The following PHAF1 variants were observed in gnomAD, a reference collection of about 807,000 sequenced individuals.
PHAF1 encodes phagophore assembly factor 1, also known as phagosome assembly factor 1.
In PHAF1, 23 loss-of-function variants were observed where a neutral mutation model predicts 63.1. That is an observed-to-expected ratio of 0.36 (90% CI 0.26 to 0.52). The LOEUF (loss-of-function observed/expected upper bound fraction) is 0.52. Ranked by LOEUF, PHAF1 falls within the 20% of genes least tolerant of loss-of-function variation. The probability of loss-of-function intolerance (pLI) is 0.93; values close to 1 mark genes in which losing one functional copy is unlikely to be tolerated. For missense variants in PHAF1, 427 were observed against 517.2 expected (o/e 0.83, Z 1.69); for synonymous variants, 167 against 185.0 (o/e 0.90, Z 0.79).
At chr16:67,119,258 G>T (rs1171770818) in intron 1 of PHAF1, among the ~76,000 whole-genome samples, 1 of 152,100 alleles carries the variant, frequency 6.6e-6, no homozygotes, top group African/African-American at 2.4e-5. Flanking sequence ...TGCTTTTCTT[G>T]CTTGGTTCTT....
intron 15 of PHAF1, 146 bp from the exon 16 acceptor site, chr16:67,146,898 CT>C: frequency 1.4e-6 from 1 of 736,632 alleles, no homozygotes; most frequent in Non-Finnish European, 2.4e-6. Flanking sequence ...AGAGGGGGGC[CT>C]TTAGCATGAA....
In PHAF1 at chr16:67,126,049, AT is replaced by A. The variant is rs1469399867; in HGVS notation, c.231+8del. On this transcript the variant is annotated splice_region_variant and intron_variant, in intron 3 of 15. Coordinates refer to ENST00000219139, the MANE Select transcript of PHAF1 (RefSeq NM_025187.5). ...TTTCAATCAGAGACTTAAGGTAACT[AT>A]AAATGACAACTAATGTTTCATGTCC... The A allele has an allele frequency of 6.3e-7, 1 of 1,596,652 alleles. No homozygotes were observed. Among genetic ancestry groups the A allele is most frequent in the Admixed American group, 1.7e-5 (1 of 59,972 alleles).
intron 1 of PHAF1, among the ~76,000 whole-genome samples, chr16:67,111,970 A>C (rs1213039152): frequency 6.6e-6 from 1 of 152,102 alleles, no homozygotes; most frequent in African/African-American, 2.4e-5. Context: ...TCATAACTTA[A>C]CACCACTCCT....
At chr16:67,134,146 A>C (rs760595107) in intron 6 of PHAF1, 22 bp from the exon 7 acceptor site, 1 of 1,596,652 alleles carries the variant, frequency 6.3e-7, no homozygotes, top group South Asian at 1.1e-5. Context: ...CCCTAAGTAA[A>C]ACTCTTGACC....
Position 67,139,981 on chromosome 16 carries a change from C to T in PHAF1, c.662-3C>T. Reference sequence around the variant, plus strand: ...GACAACCTCTCTGTCTTGTTTTTTGCAGGTTGTGGACCTGGCCTATTAGCA... The same window carrying T: ...GACAACCTCTCTGTCTTGTTTTTTGTAGGTTGTGGACCTGGCCTATTAGCA... On this transcript the variant is annotated splice_region_variant and splice_polypyrimidine_tract_variant and intron_variant, in intron 8 of 15. Transcript: ENST00000219139. 6 of 1,613,074 alleles carry T rather than the reference C, an allele frequency of 3.7e-6. No individual in the cohort carries two copies. The highest frequency in any genetic ancestry group is 2.2e-5 in the East Asian group (1 of 44,862).
chr16:67,142,840 A>C (rs975029917), intron 10 of PHAF1, among the ~76,000 whole-genome samples: 1 of 152,164 alleles, frequency 6.6e-6, no homozygotes, highest in East Asian at 1.9e-4. Flanking sequence ...GCATAGTTCT[A>C]TGGGAAAACA....
At chr16:67,129,612 G>C (rs1963314137) in intron 3 of PHAF1, among the ~76,000 whole-genome samples, 1 of 152,218 alleles carries the variant, frequency 6.6e-6, no homozygotes, top group Non-Finnish European at 1.5e-5. Context: ...AGATTGGCAG[G>C]ACAAACAGAT....
chr16:67,138,146 C>A (rs566892954), intron 8 of PHAF1, among the ~76,000 whole-genome samples: 2 of 152,122 alleles, frequency 1.3e-5, no homozygotes, highest in Admixed American at 6.5e-5. Context: ...TTGAAGGGTG[C>A]CTTCCTTACA....
intron 3 of PHAF1, among the ~76,000 whole-genome samples, chr16:67,126,766 T>C (rs977461698): frequency 6.9e-6 from 1 of 144,456 alleles, no homozygotes; most frequent in South Asian, 2.2e-4. Flanking sequence ...ATTTTTGTAT[T>C]TTTAGTAGAG....
chr16:67,131,792 C>T (rs1297443746), intron 4 of PHAF1, among the ~76,000 whole-genome samples: 1 of 152,190 alleles, frequency 6.6e-6, no homozygotes, highest in Non-Finnish European at 1.5e-5. Context: ...ATGACATGCA[C>T]AGTCCAAAGT....
intron 3 of PHAF1, among the ~76,000 whole-genome samples, chr16:67,130,782 A>G (rs1385665573): frequency 6.6e-6 from 1 of 152,194 alleles, no homozygotes; most frequent in African/African-American, 2.4e-5. Flanking sequence ...TCATTGTCCT[A>G]TAGGGTGGTG....
intron 3 of PHAF1, among the ~76,000 whole-genome samples, chr16:67,127,268 C>G (rs1289964077): frequency 6.6e-6 from 1 of 152,180 alleles, no homozygotes; most frequent in Admixed American, 6.5e-5. Context: ...TGGATGGGCC[C>G]TGGGCAGTGG....
At chr16:67,119,688 T>C (rs1424678684) in intron 1 of PHAF1, among the ~76,000 whole-genome samples, 1 of 142,220 alleles carries the variant, frequency 7.0e-6, no homozygotes, top group Admixed American at 7.1e-5. Context: ...CCTGGCTAAT[T>C]TTTTTTTTTT....
At chr16:67,126,892 CT>C (rs894357549) in intron 3 of PHAF1, among the ~76,000 whole-genome samples, 331 of 125,540 alleles carry the variant, frequency 2.6e-3, no homozygotes, top group Middle Eastern at 5.6e-3. Context: ...CCAGCCCAGT[CT>C]TTTTTTTTTT....
At chr16:67,130,203 C>T (rs1963338324) in intron 3 of PHAF1, among the ~76,000 whole-genome samples, 3 of 152,172 alleles carry the variant, frequency 2.0e-5, no homozygotes, top group Admixed American at 2.0e-4. Flanking sequence ...CCCACCACCA[C>T]GCCTGGCTAA....
At chr16:67,136,760 T>C (rs1177921025) in intron 8 of PHAF1, among the ~76,000 whole-genome samples, 1 of 151,978 alleles carries the variant, frequency 6.6e-6, no homozygotes, top group Non-Finnish European at 1.5e-5. Context: ...TTCTATTTTT[T>C]TGTAGACACG....
intron 2 of PHAF1, among the ~76,000 whole-genome samples, chr16:67,125,730 A>G (rs1434226710): frequency 6.6e-6 from 1 of 152,164 alleles, no homozygotes; most frequent in Non-Finnish European, 1.5e-5. Context: ...CAGAAGGGAG[A>G]GGCTCTTTTC....
intron 8 of PHAF1, among the ~76,000 whole-genome samples, chr16:67,136,871 T>C (rs1312261647): frequency 6.6e-6 from 1 of 152,080 alleles, no homozygotes; most frequent in African/African-American, 2.4e-5. Context: ...GAATCTGGTA[T>C]ATAGGCTGGA....
intron 2 of PHAF1, among the ~76,000 whole-genome samples, chr16:67,121,136 G>C (rs562688122): frequency 2.8e-4 from 43 of 152,136 alleles, no homozygotes; most frequent in Non-Finnish European, 4.3e-4. Context: ...AGACTTGTAG[G>C]AGTGGGCATG....
Sources: gnomAD v4.1 joint callset for allele counts (sites outside exome capture counted in the v4.1 genomes callset) on GRCh38, gnomAD v4.1.1 for gene constraint, MANE v1.5 for transcripts, NCBI Gene and HGNC (gene_info 2026-07-23, HGNC 2026-07-21) for gene names.